Variants in DMD observed in about 807,000 individuals in gnomAD.
DMD encodes the protein mutant dystrophin.
A neutral mutation model predicts 330.1 loss-of-function variants in DMD; 63 were observed. The observed-to-expected ratio is 0.19, with a 90% CI of 0.16 to 0.24. The LOEUF (loss-of-function observed/expected upper bound fraction) is 0.24. DMD is among the 10% of genes least tolerant of loss of function. The probability of loss-of-function intolerance (pLI) is 1.00; values close to 1 mark genes in which losing one functional copy is unlikely to be tolerated. For synonymous variants in DMD, 1,223 were observed against 959.8 expected, an observed-to-expected ratio of 1.27 and a Z score of -5.07; for missense variants, 3,344 against 2,684.1, an observed-to-expected ratio of 1.25 and a Z score of -5.43.
chrX:32,596,406 T>G (rs969019944), intron 12 of DMD, among the ~76,000 whole-genome samples: 3 of 111,497 alleles, frequency 2.7e-5, no homozygotes, highest in African/African-American at 9.8e-5. Context: ...AAGGACACCA[T>G]CAACTTTCAT....
chrX:31,957,487 C>A (rs762567703), intron 45 of DMD, among the ~76,000 whole-genome samples: 2 of 111,559 alleles, frequency 1.8e-5, no homozygotes, highest in South Asian at 7.5e-4. Context: ...TTAACCGGGG[C>A]AAGATTCCTC....
chrX:33,174,085 T>C (rs2049513624), intron 1 of DMD, among the ~76,000 whole-genome samples: 1 of 101,545 alleles, frequency 9.8e-6, no homozygotes. Flanking sequence ...CCCTGCAGAA[T>C]TGGGATTGAG....
chrX:32,497,307 C>CT (rs2148665745), intron 19 of DMD, among the ~76,000 whole-genome samples: 1 of 112,307 alleles, frequency 8.9e-6, no homozygotes, highest in Admixed American at 9.5e-5. Flanking sequence ...ACCTTAAACA[C>CT]TATAATCTAG....
intron 55 of DMD, among the ~76,000 whole-genome samples, chrX:31,622,110 C>CTAG (rs1218099237): frequency 9.0e-6 from 1 of 111,637 alleles, no homozygotes; most frequent in Non-Finnish European, 1.9e-5. Flanking sequence ...GAAGGTTTAG[C>CTAG]CTAGTCTTCT....
chrX:33,241,782 G>A (rs1319990437), intron 1 of DMD, among the ~76,000 whole-genome samples: 1 of 111,027 alleles, frequency 9.0e-6, no homozygotes, highest in African/African-American at 3.3e-5. Context: ...GTGGACAGAG[G>A]ACAGAGTCTT....
At chrX:32,522,122 CA>C (rs1171198581) in intron 17 of DMD, among the ~76,000 whole-genome samples, 1 of 111,797 alleles carries the variant, frequency 8.9e-6, no homozygotes, top group Non-Finnish European at 1.9e-5. Context: ...TACAGCAAAC[CA>C]ACTAAAACCC....
At chrX:32,739,044 A>G (rs1313799100) in intron 7 of DMD, among the ~76,000 whole-genome samples, 1 of 112,107 alleles carries the variant, frequency 8.9e-6, no homozygotes, top group African/African-American at 3.2e-5. Context: ...ATAATGGCTC[A>G]AAACTTGCCA....
chrX:31,540,384 A>G (rs1284291448), intron 55 of DMD, among the ~76,000 whole-genome samples: 2 of 112,097 alleles, frequency 1.8e-5, no homozygotes, highest in Non-Finnish European at 3.8e-5. Flanking sequence ...TCCCAGTGAG[A>G]TTTTGAAGGA....
At chrX:32,549,519 A>C (rs1318837839) in intron 16 of DMD, among the ~76,000 whole-genome samples, 2 of 111,930 alleles carry the variant, frequency 1.8e-5, no homozygotes, top group Non-Finnish European at 3.8e-5. Context: ...AAATGATATA[A>C]TATCTGAATA....
chrX:31,634,693 C>T lies in DMD; in HGVS notation c.8028-6831G>A, dbSNP rs189057301. 4.4e-4 allele frequency among the ~76,000 whole-genome samples: 49 copies of T among 111,057 alleles called. 1 individual carries two copies. Among genetic ancestry groups the T allele is most frequent in the African/African-American group, 1.5e-3 (47 of 30,670 alleles). On this transcript the variant is annotated intron_variant, in intron 54 of 78. Coordinates refer to ENST00000357033, the MANE Select transcript of DMD (RefSeq NM_004006.3). The stretch of plus-strand genomic sequence containing the variant: ...TGAATGTTTTTAAAATAGAGATTTG[C>T]GAATTTATCATTAGGGAAACAACCA...
intron 44 of DMD, among the ~76,000 whole-genome samples, chrX:32,081,217 G>A (rs763639417): frequency 8.9e-6 from 1 of 112,231 alleles, no homozygotes; most frequent in South Asian, 3.7e-4. Flanking sequence ...CAGCTGCAGA[G>A]TATAAAACTG....
At position 32,380,507 on chromosome X, in the gene DMD, T is replaced by C. The variant is rs1180230058; in HGVS notation, c.4845+3A>G. 1.7e-6 allele frequency: 2 copies of C among 1,208,037 alleles called. No individual in the cohort carries two copies. The highest frequency in any genetic ancestry group is 4.4e-5 in the Admixed American group (2 of 45,679). ...AAATAACCTTCAGTGATATAGGTTT[T>C]ACCTTTCCCCAGGCAACTTCAGAAT... On this transcript the variant is annotated splice_donor_region_variant and intron_variant, in intron 34 of 78. Coordinates refer to ENST00000357033, the MANE Select transcript of DMD (RefSeq NM_004006.3).
chrX:33,043,058 A>G (rs1459350287), intron 1 of DMD, among the ~76,000 whole-genome samples: 1 of 112,230 alleles, frequency 8.9e-6, no homozygotes, highest in Non-Finnish European at 1.9e-5. Flanking sequence ...AATTGTATTA[A>G]TATTTAGAAG....
chrX:31,517,276 T>C (rs1025094572), intron 55 of DMD, among the ~76,000 whole-genome samples: 21 of 111,575 alleles, frequency 1.9e-4, no homozygotes, highest in Non-Finnish European at 3.6e-4. Flanking sequence ...TAACCTATTG[T>C]GAGGTTTCAT....
intron 54 of DMD, among the ~76,000 whole-genome samples, chrX:31,646,906 T>C (rs2080138769): frequency 8.9e-6 from 1 of 112,182 alleles, no homozygotes; most frequent in South Asian, 3.6e-4. Flanking sequence ...ATGTATCTCA[T>C]GGGAACACTC....
At chrX:32,652,909 C>T (rs1037400988) in intron 9 of DMD, among the ~76,000 whole-genome samples, 7 of 112,075 alleles carry the variant, frequency 6.2e-5, no homozygotes, top group African/African-American at 2.3e-4. Flanking sequence ...TCTCTGATGG[C>T]CAGTGATGAT....
chrX:32,719,325 A>G (rs1281691915), intron 7 of DMD, among the ~76,000 whole-genome samples: 4 of 112,287 alleles, frequency 3.6e-5, no homozygotes, highest in African/African-American at 1.3e-4. Context: ...AGAGGTTTAC[A>G]TGAACCAAAT....
At chrX:32,081,179 A>G (rs934201667) in intron 44 of DMD, among the ~76,000 whole-genome samples, 5 of 112,101 alleles carry the variant, frequency 4.5e-5, no homozygotes, top group African/African-American at 1.6e-4. Context: ...GAGACATATG[A>G]TGTTCCATCT....
intron 57 of DMD, among the ~76,000 whole-genome samples, chrX:31,485,695 C>T (rs1425459775): frequency 9.0e-6 from 1 of 111,591 alleles, no homozygotes; most frequent in Non-Finnish European, 1.9e-5. Flanking sequence ...TTGCTTTCTC[C>T]TGGGGACAGT....
Sources: gnomAD v4.1 joint callset for allele counts (sites outside exome capture counted in the v4.1 genomes callset) on GRCh38, gnomAD v4.1.1 for gene constraint, MANE v1.5 for transcripts, NCBI Gene and HGNC (gene_info 2026-07-23, HGNC 2026-07-21) for gene names.